SCN10A: variants seen among roughly 807,000 people sequenced by gnomAD.
SCN10A encodes sodium voltage-gated channel alpha subunit 10.
A neutral mutation model predicts 170.7 loss-of-function variants in SCN10A; 162 were observed. That is an observed-to-expected ratio of 0.95 (90% confidence interval 0.84 to 1.08). The LOEUF is 1.08. Among genes scored for constraint, SCN10A ranks in the 50% least tolerant of loss-of-function variants. SCN10A has a pLI of 0.00. For missense variants in SCN10A, 2,527 were observed against 2,436.9 expected (o/e 1.04, Z -0.78); for synonymous variants, 985 against 904.6 (o/e 1.09, Z -1.59).
intron 4 of SCN10A, among the ~76,000 whole-genome samples, chr3:38,772,322 G>GAAAAAAAAAAAAA (rs147803028): frequency 1.5e-5 from 2 of 133,870 alleles, no homozygotes; most frequent in Non-Finnish European, 3.1e-5. Flanking sequence ...CCAAACAACT[G>GAAAAAAAAAAAAA]AAAAAAAAAA....
intron 1 of SCN10A, among the ~76,000 whole-genome samples, chr3:38,806,004 C>G (rs1158144481): frequency 6.6e-6 from 1 of 151,984 alleles, no homozygotes; most frequent in Non-Finnish European, 1.5e-5. Context: ...TTGAGCTGAC[C>G]GTGGTACTGA....
chr3:38,811,836 G>C (rs955236662), intron 1 of SCN10A, among the ~76,000 whole-genome samples: 1 of 152,118 alleles, frequency 6.6e-6, no homozygotes, highest in African/African-American at 2.4e-5. Flanking sequence ...CTCTCATACT[G>C]ATTTCCCACA....
intron 4 of SCN10A, among the ~76,000 whole-genome samples, chr3:38,780,186 A>G (rs933323782): frequency 6.6e-6 from 1 of 151,938 alleles, no homozygotes; most frequent in Non-Finnish European, 1.5e-5. Flanking sequence ...TATTTGTTGC[A>G]AAGATATAGA....
In SCN10A at chr3:38,757,061, A is replaced by C; in HGVS notation, c.1049T>G (p.Phe350Cys). 6.2e-7 allele frequency: 1 copy of C among 1,613,810 alleles called. No homozygotes were observed. Among genetic ancestry groups the C allele is most frequent in the Non-Finnish European group, 8.5e-7 (1 of 1,179,870 alleles). Residue 350 changes from phenylalanine to cysteine, a missense_variant, in exon 9 of 28, where the codon TTC (phenylalanine) becomes TGC (cysteine). Coordinates refer to ENST00000449082, the MANE Select transcript of SCN10A (RefSeq NM_006514.4). ...DSFAWAFLSL[F>C]RLMTQDSWER... is the part of the protein sequence containing the mutation. ...CCAGGAATCCTGTGTCATGAGGCGG[A>C]ACAGTGAGAGGAAAGCCCAAGCAAA...
intron 1 of SCN10A, among the ~76,000 whole-genome samples, chr3:38,799,991 C>G (rs957675976): frequency 2.6e-5 from 4 of 152,168 alleles, no homozygotes; most frequent in African/African-American, 7.2e-5. Context: ...CCCTAAAAGG[C>G]AGTCCATTGA....
chr3:38,808,494 A>G (rs1682105141), intron 1 of SCN10A, among the ~76,000 whole-genome samples: 1 of 152,226 alleles, frequency 6.6e-6, no homozygotes, highest in Non-Finnish European at 1.5e-5. Context: ...GACCATGTTC[A>G]TATCTTCCTC....
At position 38,756,747 on chromosome 3, in the gene SCN10A, G is replaced by A; in HGVS notation, c.1217C>T (p.Ala406Val). ...VTMAYEEQNQATTDEIEAKEK... is the reference protein window; with the variant it reads ...VTMAYEEQNQVTTDEIEAKEK... ...CTTTGCTTCAATTTCATCAGTGGTT[G>A]CCTGGTTCTGCTCCTCATACGCCAT... Residue 406 changes from alanine (A) to valine (V), a missense_variant, in exon 10 of 28, where the codon GCA becomes GTA. Transcript: ENST00000449082. 1 of 1,614,166 alleles carries A rather than the reference G, an allele frequency of 6.2e-7. No homozygotes were observed. Among genetic ancestry groups the A allele is most frequent in the African/African-American group, 1.3e-5 (1 of 75,036 alleles).
intron 6 of SCN10A, among the ~76,000 whole-genome samples, 171 bp from the exon 7 acceptor site, chr3:38,761,554 C>CA (rs1321956042): frequency 6.6e-6 from 1 of 152,164 alleles, no homozygotes; most frequent in East Asian, 1.9e-4. Context: ...CTCTGAGAGG[C>CA]AGGCAGAGAG....
At position 38,697,205 on chromosome 3, in the gene SCN10A, T is replaced by C. The variant is rs112096867; in HGVS notation, c.*144A>G. ...TGGTTTTTTCAAAGGTGGTTACCAG[T>C]TGCATTCCCTGCCCAGTTCTGACAT... On this transcript the variant is annotated 3_prime_UTR_variant, in exon 28 of 28. Transcript: ENST00000449082. 1.3e-5 allele frequency: 17 copies of C among 1,341,224 alleles called. No individual in the cohort carries two copies. The highest frequency in any genetic ancestry group is 1.2e-4 in the African/African-American group (8 of 68,604). 83.1% of individuals were successfully genotyped at this position (1,341,224 alleles called of 1,614,324 possible).
At position 38,752,228 on chromosome 3, in the gene SCN10A, G is replaced by A. The variant is rs1420634180; in HGVS notation, c.1746C>T (p.Val582=). 4.0e-6 allele frequency: 6 copies of A among 1,516,320 alleles called. No homozygotes were observed. Among genetic ancestry groups the A allele is most frequent in the Admixed American group, 2.1e-5 (1 of 46,820 alleles). 93.9% of individuals were successfully genotyped at this position (1,516,320 alleles called of 1,614,324 possible). ...GCATTCACAAACTCACCGAGACATC[G>A]ACAGCTCCAGGGGCAAGCTCACTAG... The part of the protein sequence containing the change: ...PPTSELAPGA[V]DVSAFDAGQK... The change falls in exon 12 of 28, where the codon GTC becomes GTT. Residue 582 remains valine (V), a synonymous_variant. Coordinates refer to ENST00000449082, the MANE Select transcript of SCN10A (RefSeq NM_006514.4).
intron 15 of SCN10A, among the ~76,000 whole-genome samples, chr3:38,733,934 G>A (rs910608320): frequency 6.6e-6 from 1 of 152,142 alleles, no homozygotes; most frequent in Non-Finnish European, 1.5e-5. Context: ...TGGTCAGGCT[G>A]GTCTCGAACT....
intron 13 of SCN10A, among the ~76,000 whole-genome samples, chr3:38,747,988 T>C (rs1435784501): frequency 6.6e-6 from 1 of 152,122 alleles, no homozygotes; most frequent in Non-Finnish European, 1.5e-5. Flanking sequence ...AGTTCACCAC[T>C]GAATCCCAGC....
At position 38,728,657 on chromosome 3, in the gene SCN10A, A is replaced by G; in HGVS notation, c.2525T>C (p.Val842Ala). 2 of 1,614,246 alleles carry G rather than the reference A, an allele frequency of 1.2e-6. No individual in the cohort carries two copies. Among genetic ancestry groups the G allele is most frequent in the Non-Finnish European group, 1.7e-6 (2 of 1,180,044 alleles). The stretch of plus-strand genomic sequence containing the variant: ...CCACTCTCCACAGAGGATACGGAAG[A>G]CAATGAGGAAAGAGTGGAAGAAGTC... Reference protein sequence around the residue: ...MHDFFHSFLIVFRILCGEWIE... With the variant: ...MHDFFHSFLIAFRILCGEWIE... The change falls in exon 16 of 28, where the codon GTC becomes GCC. Residue 842 changes from valine to alanine, a missense_variant. Transcript: ENST00000449082.
At position 38,711,682 on chromosome 3, in the gene SCN10A, A is replaced by C. The variant is rs553982941; in HGVS notation, c.4089+479T>G. 2.2e-4 allele frequency among the ~76,000 whole-genome samples: 33 copies of C among 152,380 alleles called. 1 individual carries two copies. Among genetic ancestry groups the C allele is most frequent in the Admixed American group, 1.9e-3 (29 of 15,310 alleles). ...CTTGAATGAACAGAGGACTGAATGA[A>C]CAGGTAGATGAAGGCAAGAAATGAG... On this transcript the variant is annotated intron_variant, in intron 23 of 27. Coordinates refer to ENST00000449082, the MANE Select transcript of SCN10A (RefSeq NM_006514.4).
intron 1 of SCN10A, among the ~76,000 whole-genome samples, chr3:38,797,285 A>G (rs188864966): frequency 9.2e-5 from 14 of 152,284 alleles, no homozygotes; most frequent in Non-Finnish European, 1.5e-4. Context: ...CCCAATACCC[A>G]TATGTAGGAG....
intron 1 of SCN10A, among the ~76,000 whole-genome samples, chr3:38,805,654 A>G (rs957598740): frequency 6.6e-6 from 1 of 152,162 alleles, no homozygotes; most frequent in Non-Finnish European, 1.5e-5. Flanking sequence ...GAAATAGATA[A>G]GCCACTAAGA....
At chr3:38,794,844 G>C (rs141281250) in intron 1 of SCN10A, among the ~76,000 whole-genome samples, 1 of 152,112 alleles carries the variant, frequency 6.6e-6, no homozygotes. Flanking sequence ...GTAAGCCAAT[G>C]ACCATATTTC....
intron 8 of SCN10A, among the ~76,000 whole-genome samples, chr3:38,758,162 A>G (rs2063830510): frequency 6.6e-6 from 1 of 152,174 alleles, no homozygotes; most frequent in African/African-American, 2.4e-5. Context: ...AACCCATACC[A>G]TGGATTAGAG....
intron 26 of SCN10A, among the ~76,000 whole-genome samples, chr3:38,702,972 A>G (rs144788268): frequency 6.6e-6 from 1 of 152,158 alleles, no homozygotes; most frequent in Non-Finnish European, 1.5e-5. Context: ...CCTTCTCCCA[A>G]AACTTCTCCT....
Sources: gnomAD v4.1 joint callset for allele counts (sites outside exome capture counted in the v4.1 genomes callset) on GRCh38, gnomAD v4.1.1 for gene constraint, MANE v1.5 for transcripts, NCBI Gene and HGNC (gene_info 2026-07-23, HGNC 2026-07-21) for gene names.